CDH8: variants seen among roughly 807,000 people sequenced by gnomAD.
CDH8 encodes the protein cadherin-8.
A neutral mutation model predicts 68.1 loss-of-function variants in CDH8; 17 were observed. The ratio of observed to expected loss-of-function variants is 0.25; its 90% CI spans 0.17 to 0.37. CDH8 has a LOEUF of 0.37. Among genes scored for constraint, CDH8 ranks in the 10% least tolerant of loss-of-function variants. The probability of loss-of-function intolerance (pLI) is 1.00; values close to 1 mark genes in which losing one functional copy is unlikely to be tolerated. For missense variants in CDH8, 763 were observed against 999.3 expected (o/e 0.76, Z 3.19); for synonymous variants, 372 against 365.1 (o/e 1.02, Z -0.21).
At chr16:61,787,311 A>T (rs1363865246) in intron 8 of CDH8, among the ~76,000 whole-genome samples, 1 of 147,320 alleles carries the variant, frequency 6.8e-6, no homozygotes, top group Non-Finnish European at 1.5e-5. Context: ...AAAAGAAGAC[A>T]TTTATGCAGC....
intron 1 of CDH8, among the ~76,000 whole-genome samples, chr16:62,035,742 G>A (rs1013422924): frequency 4.6e-4 from 70 of 152,298 alleles, no homozygotes; most frequent in African/African-American, 1.6e-3. Flanking sequence ...GCCTGCCTGC[G>A]TTGGGAAGCG....
At chr16:61,921,249 TATAATAATA>T (rs375901034) in intron 2 of CDH8, among the ~76,000 whole-genome samples, 7 of 147,444 alleles carry the variant, frequency 4.7e-5, no homozygotes, top group Non-Finnish European at 9.0e-5. Context: ...AAACTTAAAG[TATAATAATA>T]ATAATAATAA....
At chr16:61,940,075 T>C (rs1964688109) in intron 2 of CDH8, among the ~76,000 whole-genome samples, 3 of 152,198 alleles carry the variant, frequency 2.0e-5, no homozygotes, top group African/African-American at 4.8e-5. Context: ...ACATCAAAAA[T>C]AATCAATATC....
chr16:61,826,622 C>T (rs1278726154), intron 4 of CDH8, among the ~76,000 whole-genome samples: 1 of 151,436 alleles, frequency 6.6e-6, no homozygotes, highest in Non-Finnish European at 1.5e-5. Context: ...GCCTTGGCCA[C>T]TTCTGAAGTT....
At chr16:61,779,641 A>G (rs1488693053) in intron 8 of CDH8, among the ~76,000 whole-genome samples, 2 of 152,088 alleles carry the variant, frequency 1.3e-5, no homozygotes, top group East Asian at 3.9e-4. Context: ...CAGCCTTCTA[A>G]AATGTACTAT....
At chr16:61,751,382 T>TAAAAAAAAAAAAAAAAAAAAAAAAAA (rs71134375) in intron 8 of CDH8, among the ~76,000 whole-genome samples, 1 of 54,138 alleles carries the variant, frequency 1.8e-5, no homozygotes, top group African/African-American at 7.9e-5. Flanking sequence ...ATATTCTCCT[T>TAAAAAAAAAAAAAAAAAAAAAAAAAA]AAAAAAAAAA....
At chr16:61,773,793 C>A (rs1472260656) in intron 8 of CDH8, among the ~76,000 whole-genome samples, 1 of 152,076 alleles carries the variant, frequency 6.6e-6, no homozygotes, top group East Asian at 1.9e-4. Context: ...ATTCTTGTGA[C>A]AAATAGCATA....
intron 9 of CDH8, among the ~76,000 whole-genome samples, chr16:61,721,618 G>A (rs1439649908): frequency 6.7e-6 from 1 of 149,812 alleles, no homozygotes; most frequent in Non-Finnish European, 1.5e-5. Flanking sequence ...TTTTGAGTAA[G>A]AATGTCATTG....
intron 7 of CDH8, among the ~76,000 whole-genome samples, chr16:61,808,167 C>T (rs969667695): frequency 6.6e-6 from 1 of 152,112 alleles, no homozygotes; most frequent in Non-Finnish European, 1.5e-5. Context: ...CAAATCTATT[C>T]TAAGTCAGTT....
intron 2 of CDH8, among the ~76,000 whole-genome samples, chr16:61,904,099 A>G (rs1964025973): frequency 6.6e-6 from 1 of 152,158 alleles, no homozygotes; most frequent in South Asian, 2.1e-4. Context: ...TATTATTTGT[A>G]TCACACACAC....
chr16:61,654,068 T>C lies in CDH8; in HGVS notation c.1940A>G (p.His647Arg). The change falls in exon 12 of 12, where the codon CAT (histidine) becomes CGT (arginine). Residue 647 changes from histidine (H) to arginine (R), a missense_variant. Coordinates refer to ENST00000577390, the MANE Select transcript of CDH8 (RefSeq NM_001796.5). Reference sequence around the variant, plus strand: ...TTTGATAATTAATGGTTCATTTTTATGCCGCCGTAGAGTTACAAACAGCAC... The same window carrying C: ...TTTGATAATTAATGGTTCATTTTTACGCCGCCGTAGAGTTACAAACAGCAC... ...IVVLFVTLRR[H>R]KNEPLIIKDD... The C allele has an allele frequency of 6.2e-7, 1 of 1,614,150 alleles. No homozygotes were observed.
At chr16:61,752,725 T>C (rs1323333877) in intron 8 of CDH8, among the ~76,000 whole-genome samples, 2 of 152,204 alleles carry the variant, frequency 1.3e-5, no homozygotes, top group Non-Finnish European at 1.5e-5. Context: ...TATTTATTCA[T>C]CCAATGAATA....
In CDH8 at chr16:61,820,973, T is replaced by G. The variant is rs200370241; in HGVS notation, c.976A>C (p.Ile326Leu). The change falls in exon 6 of 12, where the codon ATC becomes CTC. Residue 326 changes from isoleucine to leucine, a missense_variant. By Grantham distance (5) the Ile-to-Leu change is conservative (BLOSUM62 2). Around this residue, in one of 2 missense-constraint regions of CDH8, gnomAD observed 366 missense variants for 563.1 expected, o/e 0.65. Coordinates refer to ENST00000577390, the MANE Select transcript of CDH8 (RefSeq NM_001796.5). The stretch of plus-strand genomic sequence containing the variant: ...TCCTGGGCCTGGGCATCAGAAGTGA[T>G]TTCAAAAAGTGCTGTTCCATCTCCA... ...IDGDGTALFEITSDAQAQDGI... is the reference protein window; with the variant it reads ...IDGDGTALFELTSDAQAQDGI... The G allele has an allele frequency of 1.2e-6, 2 of 1,612,804 alleles. No individual in the cohort carries two copies. Among genetic ancestry groups the G allele is most frequent in the Non-Finnish European group, 1.7e-6 (2 of 1,179,204 alleles).
At chr16:61,763,204 A>G (rs905424233) in intron 8 of CDH8, among the ~76,000 whole-genome samples, 3 of 152,094 alleles carry the variant, frequency 2.0e-5, no homozygotes, top group Non-Finnish European at 4.4e-5. Context: ...TTCTTTGTCT[A>G]TTCGGCCAGC....
chr16:61,872,734 C>G (rs1043547235), intron 3 of CDH8, among the ~76,000 whole-genome samples: 1 of 152,150 alleles, frequency 6.6e-6, no homozygotes, highest in Admixed American at 6.5e-5. Flanking sequence ...TTGGAATGCC[C>G]TTGGCCAAGA....
At chr16:61,914,627 T>C (rs550867622) in intron 2 of CDH8, among the ~76,000 whole-genome samples, 1 of 152,174 alleles carries the variant, frequency 6.6e-6, no homozygotes, top group East Asian at 1.9e-4. Context: ...CTTCCTGACT[T>C]TGACAATGCA....
Position 61,960,025 on chromosome 16 carries a change from C to CAT in CDH8, c.253-58553_253-58552insAT, listed in dbSNP as rs1360011859. On this transcript the variant is annotated intron_variant, in intron 2 of 11. Transcript: ENST00000577390. ...ATATATATATATATATACACACATA[C>CAT]ACACACACACACAACATATATGTAT... Among the ~76,000 whole-genome samples, 54 of 20,618 alleles carry CAT rather than the reference C, an allele frequency of 2.6e-3. 4 individuals are homozygous for CAT. Among genetic ancestry groups the CAT allele is most frequent in the African/African-American group, 0.014 (31 of 2,220 alleles). The allele number at this position is 20,618 out of a possible 152,430, so 13.5% of individuals were successfully genotyped here.
At chr16:62,028,333 G>T (rs1391294805) in intron 1 of CDH8, among the ~76,000 whole-genome samples, 1 of 151,988 alleles carries the variant, frequency 6.6e-6, no homozygotes, top group East Asian at 1.9e-4. Context: ...CTCTCAAAGT[G>T]CTGGGATTAC....
chr16:61,982,036 C>T (rs1381323623), intron 2 of CDH8, among the ~76,000 whole-genome samples: 1 of 152,084 alleles, frequency 6.6e-6, no homozygotes, highest in Non-Finnish European at 1.5e-5. Context: ...ACTGTGCCCC[C>T]ACCTTCATGA....
Sources: gnomAD v4.1 joint callset for allele counts (sites outside exome capture counted in the v4.1 genomes callset) on GRCh38, gnomAD v4.1.1 for gene constraint, gnomAD v4.1.1 regional missense constraint, MANE v1.5 for transcripts, NCBI Gene and HGNC (gene_info 2026-07-23, HGNC 2026-07-21) for gene names.